CCDC180: variants seen among roughly 807,000 people sequenced by gnomAD.
The protein encoded by CCDC180 is coiled-coil domain containing 180, also known as coiled-coil domain-containing protein 180.
In CCDC180, 154 loss-of-function variants were observed where a neutral mutation model predicts 209.2. That is an observed-to-expected ratio of 0.74 (90% CI 0.65 to 0.84). The LOEUF (loss-of-function observed/expected upper bound fraction) is 0.84, where lower values mean the gene tolerates loss of function less well. CCDC180 is among the 40% of genes least tolerant of loss of function. The pLI is 0.00. For synonymous variants in CCDC180, 778 were observed against 749.1 expected, an observed-to-expected ratio of 1.04 and a Z score of -0.63; for missense variants, 1,874 against 1,997.3, an observed-to-expected ratio of 0.94 and a Z score of 1.18.
chr9:97,358,117 C>CTTTTTTT (rs71487322), intron 25 of CCDC180: 8 of 112,230 alleles, frequency 7.1e-5, no homozygotes, highest in Non-Finnish European at 1.3e-4. Flanking sequence ...TTTCCACTTG[C>CTTTTTTT]TTTTTTTTTT....
At chr9:97,327,028 A>T (rs559029600) in intron 15 of CCDC180, among the ~76,000 whole-genome samples, 2 of 152,238 alleles carry the variant, frequency 1.3e-5, no homozygotes, top group African/African-American at 4.8e-5. Context: ...AATTAGCCAG[A>T]TGTGGTGGCA....
intron 18 of CCDC180, among the ~76,000 whole-genome samples, chr9:97,335,183 CT>C (rs201653390): frequency 0.011 from 1,609 of 149,350 alleles, 34 homozygotes; most frequent in East Asian, 0.041. Context: ...TATTTTAAAA[CT>C]TTTTTTTTTA....
chr9:97,316,857 A>G (rs1833189353), intron 8 of CCDC180, among the ~76,000 whole-genome samples: 1 of 152,156 alleles, frequency 6.6e-6, no homozygotes, highest in Non-Finnish European at 1.5e-5. Context: ...CCTTCAAGGA[A>G]GACCCTTGTC....
intron 33 of CCDC180, chr9:97,371,334 TC>T: frequency 3.1e-6 from 1 of 318,422 alleles, no homozygotes; most frequent in Non-Finnish European, 5.7e-6. Flanking sequence ...TATTTAGTGA[TC>T]CATGTCTAGT....
chr9:97,338,308 A>C (rs1011727466), intron 18 of CCDC180, among the ~76,000 whole-genome samples: 2 of 152,094 alleles, frequency 1.3e-5, no homozygotes, highest in Middle Eastern at 3.2e-3. Flanking sequence ...TAGTGCTATA[A>C]ATTTCCCTCT....
At chr9:97,312,295 A>G (rs1833015013) in intron 4 of CCDC180, 94 bp downstream of exon 4, 2 of 1,059,252 alleles carry the variant, frequency 1.9e-6, no homozygotes, top group Non-Finnish European at 1.4e-6. Context: ...TCCTCTGAGG[A>G]AGGCCCTGAG....
chr9:97,317,441 A>G (rs934748747), intron 9 of CCDC180, among the ~76,000 whole-genome samples: 24 of 152,224 alleles, frequency 1.6e-4, no homozygotes, highest in African/African-American at 5.8e-4. Flanking sequence ...ATATTTTGGT[A>G]TATTTTCTCC....
intron 34 of CCDC180, chr9:97,373,864 T>C (rs1827166522): frequency 6.6e-6 from 1 of 152,242 alleles, no homozygotes; most frequent in Non-Finnish European, 1.5e-5. Context: ...CTTGCAGAGA[T>C]GCTGGGGTCG....
At chr9:97,322,055 G>A (rs899508196) in intron 11 of CCDC180, among the ~76,000 whole-genome samples, 6 of 152,134 alleles carry the variant, frequency 3.9e-5, no homozygotes, top group Non-Finnish European at 5.9e-5. Context: ...GTCAGGGGGC[G>A]CAAATGGCCC....
chr9:97,344,457 G>C (rs991380607), intron 19 of CCDC180, among the ~76,000 whole-genome samples: 1 of 152,186 alleles, frequency 6.6e-6, no homozygotes, highest in African/African-American at 2.4e-5. Context: ...CTCCATAGCA[G>C]ATAGGACAAA....
In CCDC180 at chr9:97,349,278, A is replaced by T; in HGVS notation, c.2842A>T (p.Thr948Ser). 1 of 1,536,514 alleles carries T rather than the reference A, an allele frequency of 6.5e-7. No homozygotes were observed. Among genetic ancestry groups the T allele is most frequent in the South Asian group, 1.2e-5 (1 of 84,052 alleles). Residue 948 changes from threonine to serine, a missense_variant, in exon 21 of 37, where the codon ACC (threonine) becomes TCC (serine). Transcript: ENST00000529487. ...YDMEHIFLNATRSQKLVTLSN... is the reference protein window; with the variant it reads ...YDMEHIFLNASRSQKLVTLSN... Reference sequence around the variant, plus strand: ...CATGGAGCACATCTTCTTGAATGCCACCAGGAGCCAAAAGTAAGGGGTCCT... The same window carrying T: ...CATGGAGCACATCTTCTTGAATGCCTCCAGGAGCCAAAAGTAAGGGGTCCT...
At position 97,308,109 on chromosome 9, in the gene CCDC180, T is replaced by C; in HGVS notation, c.46T>C (p.Tyr16His). The change falls in exon 2 of 37, where the codon TAC (tyrosine) becomes CAC (histidine). Residue 16 changes from tyrosine (Y) to histidine (H), a missense_variant. Transcript: ENST00000529487. ...GACCCAGGTTCCGAATGGGAAAGCC[T>C]ACCAGCAGATCTTCCAGGCTGAGGT... ...KVTQVPNGKA[Y>H]QQIFQAEVQL... The C allele has an allele frequency of 6.2e-7, 1 of 1,609,344 alleles. No homozygotes were observed. The highest frequency in any genetic ancestry group is 1.7e-5 in the Admixed American group (1 of 59,142).
chr9:97,310,435 T>C (rs1444210075), intron 3 of CCDC180, among the ~76,000 whole-genome samples: 1 of 152,040 alleles, frequency 6.6e-6, no homozygotes, highest in Non-Finnish European at 1.5e-5. Flanking sequence ...GGCATGGAGA[T>C]CAGGAGTTTC....
Position 97,317,124 on chromosome 9 carries a change from G to A in CCDC180, c.855G>A (p.Leu285=). Residue 285 remains leucine, a synonymous_variant, in exon 9 of 37, where the codon CTG becomes CTA. Transcript: ENST00000529487. ...RKALAQLFVN[L]MESTLQQELD... ...CTCTCGCCCAGCTGTTTGTCAACCT[G>A]ATGGAGTCCACCCTGCAGCAGGAGC... 1 of 1,613,504 alleles carries A rather than the reference G, an allele frequency of 6.2e-7. No homozygotes were observed.
intron 1 of CCDC180, 53 bp from the exon 2 acceptor site, chr9:97,307,930 C>T (rs939876437): frequency 6.3e-7 from 1 of 1,578,144 alleles, no homozygotes; most frequent in African/African-American, 1.4e-5. Context: ...GGCCAGACGT[C>T]GTCCCGCCTG....
At chr9:97,361,336 C>G (rs906541716) in intron 26 of CCDC180, among the ~76,000 whole-genome samples, 1 of 152,228 alleles carries the variant, frequency 6.6e-6, no homozygotes, top group Non-Finnish European at 1.5e-5. Context: ...TGGAACTTTT[C>G]TTTCACAGCA....
At chr9:97,321,306 G>A (rs1413893633) in intron 11 of CCDC180, among the ~76,000 whole-genome samples, 9 of 152,316 alleles carry the variant, frequency 5.9e-5, no homozygotes, top group African/African-American at 2.2e-4. Flanking sequence ...ACTGTATGAG[G>A]TTTGCCACGA....
At chr9:97,368,308 A>G (rs1826983289) in intron 31 of CCDC180, among the ~76,000 whole-genome samples, 2 of 152,240 alleles carry the variant, frequency 1.3e-5, no homozygotes, top group African/African-American at 4.8e-5. Context: ...CCCTAGGGGC[A>G]TTTGCTGACT....
intron 9 of CCDC180, 109 bp downstream of exon 9, chr9:97,317,337 C>A: frequency 9.9e-7 from 1 of 1,011,016 alleles, no homozygotes; most frequent in South Asian, 2.3e-5. Flanking sequence ...GCTGCTGTTT[C>A]TCTCTGCTCT....
Sources: allele counts gnomAD v4.1 joint callset (sites outside exome capture counted in the v4.1 genomes callset), GRCh38; gene constraint gnomAD v4.1.1; transcripts MANE v1.5; gene names NCBI Gene and HGNC (gene_info 2026-07-23, HGNC 2026-07-21).